PPM1H: variants seen among roughly 807,000 people sequenced by gnomAD.
PPM1H encodes protein phosphatase, Mg2+/Mn2+ dependent 1H.
Under a neutral mutation model 54.9 loss-of-function variants are expected in PPM1H, and 27 were observed. That is an observed-to-expected ratio of 0.49 (90% CI 0.36 to 0.68). PPM1H has a LOEUF of 0.68. PPM1H is among the 30% of genes least tolerant of loss of function. PPM1H has a pLI of 0.00. For missense variants in PPM1H, 596 were observed against 667.8 expected (o/e 0.89, Z 1.19); for synonymous variants, 305 against 270.8 (o/e 1.13, Z -1.24).
chr12:62,924,866 A>T (rs1247204767), intron 1 of PPM1H, among the ~76,000 whole-genome samples: 1 of 151,830 alleles, frequency 6.6e-6, no homozygotes. Context: ...ACATGGCAAA[A>T]CCCCATCTCT....
intron 1 of PPM1H, among the ~76,000 whole-genome samples, chr12:62,843,222 A>C (rs1198648766): frequency 6.6e-6 from 1 of 152,162 alleles, no homozygotes; most frequent in Non-Finnish European, 1.5e-5. Context: ...AGGCTGAGGC[A>C]CGAGAATTGC....
intron 6 of PPM1H, among the ~76,000 whole-genome samples, chr12:62,694,763 G>A (rs1370269673): frequency 1.3e-5 from 2 of 152,150 alleles, no homozygotes; most frequent in African/African-American, 2.4e-5. Flanking sequence ...ACCTTTTTCA[G>A]TCTCAGTTTC....
intron 6 of PPM1H, among the ~76,000 whole-genome samples, chr12:62,707,851 C>T (rs1364667963): frequency 1.3e-5 from 2 of 152,186 alleles, no homozygotes; most frequent in African/African-American, 2.4e-5. Flanking sequence ...GATTGTCCCA[C>T]AGAGATGAAG....
In PPM1H at chr12:62,934,242, G is replaced by C. The variant is rs1167348638; in HGVS notation, c.245+250C>G. 6.6e-6 allele frequency among the ~76,000 whole-genome samples: 1 copy of C among 152,082 alleles called. No homozygotes were observed. The highest frequency in any genetic ancestry group is 1.5e-5 in the Non-Finnish European group (1 of 68,014). On this transcript the variant is annotated intron_variant, in intron 1 of 9. Transcript: ENST00000228705. The surrounding 1 kb of genome is among the most constrained non-coding windows in gnomAD (Gnocchi z 4.2). ...ACCTGTCTCACCTTAGCTTTCCCACGCTCCAGCGCTGCCACCCACCCCTCC... is the reference window on the plus strand; with the variant it reads ...ACCTGTCTCACCTTAGCTTTCCCACCCTCCAGCGCTGCCACCCACCCCTCC...
intron 1 of PPM1H, among the ~76,000 whole-genome samples, chr12:62,839,884 A>AAAAAAAAAAAAAAAC (rs1555200469): frequency 7.3e-5 from 11 of 150,266 alleles, no homozygotes; most frequent in African/African-American, 2.5e-4. Context: ...CAAAAAAAAA[A>AAAAAAAAAAAAAAAC]AAAAAACACC....
At chr12:62,685,053 G>A (rs1165922117) in intron 8 of PPM1H, among the ~76,000 whole-genome samples, 2 of 152,016 alleles carry the variant, frequency 1.3e-5, no homozygotes, top group South Asian at 2.1e-4. Flanking sequence ...TCTGGTGGAG[G>A]CCTCTCCATC....
intron 1 of PPM1H, among the ~76,000 whole-genome samples, chr12:62,915,840 C>A (rs1048381596): frequency 6.6e-6 from 1 of 152,218 alleles, no homozygotes; most frequent in Non-Finnish European, 1.5e-5. Flanking sequence ...GACAGGCCTA[C>A]AAATAGTCAC....
At chr12:62,655,025 G>A (rs867306865) in intron 9 of PPM1H, among the ~76,000 whole-genome samples, 1 of 152,172 alleles carries the variant, frequency 6.6e-6, no homozygotes, top group Non-Finnish European at 1.5e-5. Flanking sequence ...CAACTGAGCC[G>A]TTAGATGCTG....
chr12:62,871,541 G>T (rs1303177009), intron 1 of PPM1H, among the ~76,000 whole-genome samples: 2 of 144,634 alleles, frequency 1.4e-5, no homozygotes, highest in Non-Finnish European at 3.0e-5. Flanking sequence ...TTGAGATAGG[G>T]TCTCACTCTG....
intron 2 of PPM1H, among the ~76,000 whole-genome samples, chr12:62,830,542 A>T (rs1868341997): frequency 6.6e-6 from 1 of 152,186 alleles, no homozygotes; most frequent in African/African-American, 2.4e-5. Flanking sequence ...GGCGTGAGCC[A>T]CCGCACCCAG....
At chr12:62,768,537 C>A (rs908431476) in intron 4 of PPM1H, among the ~76,000 whole-genome samples, 7 of 152,078 alleles carry the variant, frequency 4.6e-5, no homozygotes, top group Non-Finnish European at 1.0e-4. Context: ...CGCCTGTAAT[C>A]CCAGCTACTT....
At chr12:62,810,064 C>G (rs1173159688) in intron 2 of PPM1H, among the ~76,000 whole-genome samples, 3 of 152,082 alleles carry the variant, frequency 2.0e-5, no homozygotes, top group African/African-American at 4.8e-5. Context: ...CTCATTTGCT[C>G]TGGTATTCCC....
At chr12:62,906,033 A>C (rs1431419880) in intron 1 of PPM1H, among the ~76,000 whole-genome samples, 1 of 152,200 alleles carries the variant, frequency 6.6e-6, no homozygotes, top group East Asian at 1.9e-4. Context: ...CTGCTGTAAC[A>C]AATTGTGGAC....
chr12:62,808,777 T>G (rs2076819672), intron 2 of PPM1H, among the ~76,000 whole-genome samples: 1 of 152,114 alleles, frequency 6.6e-6, no homozygotes, highest in Admixed American at 6.5e-5. Flanking sequence ...CCTTGAGGGC[T>G]AGGGTGACAT....
intron 1 of PPM1H, among the ~76,000 whole-genome samples, chr12:62,853,138 CG>C (rs1869257773): frequency 6.6e-6 from 1 of 151,704 alleles, no homozygotes; most frequent in Non-Finnish European, 1.5e-5. Context: ...AGAAGTTTCT[CG>C]GGGGCAATAA....
intron 4 of PPM1H, among the ~76,000 whole-genome samples, chr12:62,781,765 C>A (rs1226720341): frequency 6.6e-6 from 1 of 152,194 alleles, no homozygotes; most frequent in Non-Finnish European, 1.5e-5. Context: ...CTCTCGGGTG[C>A]CCTCTGTGTG....
intron 1 of PPM1H, among the ~76,000 whole-genome samples, chr12:62,895,150 C>A (rs751877781): frequency 6.6e-6 from 1 of 152,172 alleles, no homozygotes; most frequent in Non-Finnish European, 1.5e-5. Flanking sequence ...GCGGGGCATC[C>A]CCAGAGCAGT....
At chr12:62,684,076 T>C (rs937029191) in intron 8 of PPM1H, among the ~76,000 whole-genome samples, 1 of 152,144 alleles carries the variant, frequency 6.6e-6, no homozygotes, top group East Asian at 1.9e-4. Flanking sequence ...TATAAAAAAG[T>C]TTAATGGCAA....
intron 9 of PPM1H, among the ~76,000 whole-genome samples, chr12:62,654,904 C>T (rs530496614): frequency 6.6e-5 from 10 of 152,266 alleles, no homozygotes; most frequent in African/African-American, 2.2e-4. Flanking sequence ...ATTCCTAGGA[C>T]CTGTTCTTCC....
Sources: gnomAD v4.1 joint callset for allele counts (sites outside exome capture counted in the v4.1 genomes callset) on GRCh38, gnomAD v4.1.1 for gene constraint, Gnocchi (gnomAD v3.1) non-coding constraint, MANE v1.5 for transcripts, NCBI Gene and HGNC (gene_info 2026-07-23, HGNC 2026-07-21) for gene names.